Variants in RPA1 observed in about 807,000 individuals in gnomAD.
RPA1 encodes replication protein A1.
Under a neutral mutation model 83.0 loss-of-function variants are expected in RPA1, and 49 were observed. That is an observed-to-expected ratio of 0.59 (90% CI 0.47 to 0.75). The LOEUF is 0.75. Among genes scored for constraint, RPA1 ranks in the 30% least tolerant of loss-of-function variants. The pLI is 0.00. For missense variants in RPA1, 693 were observed against 776.1 expected (o/e 0.89, Z 1.27); for synonymous variants, 279 against 281.8 (o/e 0.99, Z 0.10).
Position 1,897,345 on chromosome 17 carries a change from A to G in RPA1, c.*170A>G, listed in dbSNP as rs1914482563. 3.4e-6 allele frequency: 2 copies of G among 584,856 alleles called. No homozygotes were observed. Among genetic ancestry groups the G allele is most frequent in the South Asian group, 4.1e-5 (2 of 48,664 alleles). 36.2% of individuals were successfully genotyped at this position (584,856 alleles called of 1,614,324 possible). Reference sequence around the variant, plus strand: ...CTCAGAACCCATCGGTAGGCAAAGGAAAATACGCTCAGGTGGTTGTGGTGT... The same window carrying G: ...CTCAGAACCCATCGGTAGGCAAAGGGAAATACGCTCAGGTGGTTGTGGTGT... On this transcript the variant is annotated 3_prime_UTR_variant, in exon 17 of 17. Transcript: ENST00000254719.
At chr17:1,848,674 C>G (rs1912358523) in intron 4 of RPA1, among the ~76,000 whole-genome samples, 1 of 151,898 alleles carries the variant, frequency 6.6e-6, no homozygotes, top group Admixed American at 6.5e-5. Context: ...AAGCAATTCT[C>G]TGCCTCAGCC....
chr17:1,879,276 A>G lies in RPA1; in HGVS notation c.821A>G (p.Asn274Ser), dbSNP rs1311959429. ...IANKQFTAVK[N>S]DYEMTFNNET... ...AACAAGCAGTTCACAGCTGTTAAAA[A>G]TGACTACGAGATGACCTTCAATAAC... Residue 274 changes from asparagine to serine, a missense_variant, in exon 10 of 17, where the codon AAT (asparagine) becomes AGT (serine). Transcript: ENST00000254719. The G allele has an allele frequency of 1.2e-6, 2 of 1,614,222 alleles. No homozygotes were observed. The highest frequency in any genetic ancestry group is 3.3e-5 in the Admixed American group (2 of 60,026).
At chr17:1,833,250 G>A (rs957041166) in intron 1 of RPA1, among the ~76,000 whole-genome samples, 1 of 152,156 alleles carries the variant, frequency 6.6e-6, no homozygotes, top group African/African-American at 2.4e-5. Flanking sequence ...ATTCCATGAG[G>A]CCTGCAATCA....
Position 1,897,353 on chromosome 17 carries a change from C to T in RPA1, c.*178C>T. 1.7e-6 allele frequency: 1 copy of T among 578,944 alleles called. No homozygotes were observed. Among genetic ancestry groups the T allele is most frequent in the East Asian group, 3.0e-5 (1 of 33,340 alleles). The allele number at this position is 578,944 out of a possible 1,614,324, so 35.9% of individuals were successfully genotyped here. A position where few individuals can be genotyped will look rare whatever the true frequency, so the allele number is the denominator to read the frequency against. On this transcript the variant is annotated 3_prime_UTR_variant, in exon 17 of 17. Coordinates refer to ENST00000254719, the MANE Select transcript of RPA1 (RefSeq NM_002945.5). Reference sequence around the variant, plus strand: ...CCATCGGTAGGCAAAGGAAAATACGCTCAGGTGGTTGTGGTGTAGACTGTG... The same window carrying T: ...CCATCGGTAGGCAAAGGAAAATACGTTCAGGTGGTTGTGGTGTAGACTGTG...
intron 12 of RPA1, 74 bp downstream of exon 12, chr17:1,880,765 G>A (rs1913763005): frequency 6.3e-7 from 1 of 1,576,950 alleles, no homozygotes; most frequent in East Asian, 2.3e-5. Flanking sequence ...ATCAGCATGG[G>A]AGCTTTCTGC....
rs367641614 is a variant in RPA1 at position 1,863,184 on chromosome 17, A to T, written c.362-9250A>T. On this transcript the variant is annotated intron_variant, in intron 5 of 16. Transcript: ENST00000254719. ...GAGCGTGAACCACCACGCCCAACTA[A>T]TTTATTTTATTTTATTTTATTTTAT... Among the ~76,000 whole-genome samples, 10 of 138,880 alleles carry T rather than the reference A, an allele frequency of 7.2e-5. No homozygotes were observed. The East Asian group carries it at 2.1e-3, about 29-fold the overall frequency. The allele number at this position is 138,880 out of a possible 152,430, so 91.1% of individuals were successfully genotyped here.
chr17:1,890,577 G>A (rs983521947), intron 14 of RPA1, among the ~76,000 whole-genome samples: 1 of 150,902 alleles, frequency 6.6e-6, no homozygotes, highest in African/African-American at 2.4e-5. Context: ...GCCGGGGAAT[G>A]GCATGAACCC....
rs532138943 is a variant in RPA1 at position 1,835,491 on chromosome 17, T to C, written c.33+5365T>C. Among the ~76,000 whole-genome samples, 205 of 152,260 alleles carry C rather than the reference T, an allele frequency of 1.3e-3. 3 individuals carry two copies. The highest frequency in any genetic ancestry group is 1.5e-3 in the East Asian group (8 of 5,188). Reference sequence around the variant, plus strand: ...AAAATGAGTTACATTTGTAAACAGCTGATTTCTTTGGAGCATCGTCCCCAT... The same window carrying C: ...AAAATGAGTTACATTTGTAAACAGCCGATTTCTTTGGAGCATCGTCCCCAT... On this transcript the variant is annotated intron_variant, in intron 1 of 16. Transcript: ENST00000254719.
At position 1,897,295 on chromosome 17, in the gene RPA1, A is replaced by G. The variant is rs1039062638; in HGVS notation, c.*120A>G. On this transcript the variant is annotated 3_prime_UTR_variant, in exon 17 of 17. Transcript: ENST00000254719. ...GTGCAGAGGCTCTTGATGGTGGACTAAGCAATTTCCCCCCTCGTGCGCATC... is the reference window on the plus strand; with the variant it reads ...GTGCAGAGGCTCTTGATGGTGGACTGAGCAATTTCCCCCCTCGTGCGCATC... 2.5e-5 allele frequency: 19 copies of G among 758,228 alleles called. No individual in the cohort carries two copies. The Admixed American group carries it at 5.1e-4, about 20-fold the overall frequency. 47.0% of individuals were successfully genotyped at this position (758,228 alleles called of 1,614,324 possible). A position where few individuals can be genotyped will look rare whatever the true frequency, so the allele number is the denominator to read the frequency against.
Position 1,877,240 on chromosome 17 carries a change from A to G in RPA1, c.616A>G (p.Lys206Glu), listed in dbSNP as rs764083881. ...KWTICARVTN[K>E]SQIRTWSNSR... ...GACCATTTGTGCTCGTGTTACCAAC[A>G]AAAGTCAGATCCGTACCTGGAGCAA... The change falls in exon 8 of 17, where the codon AAA becomes GAA. Residue 206 changes from lysine to glutamate, a missense_variant. Physicochemically the swap from Lys to Glu is moderately conservative, Grantham distance 56 (BLOSUM62 1). Transcript: ENST00000254719. The G allele has an allele frequency of 1.2e-6, 2 of 1,614,244 alleles. No homozygotes were observed. The highest frequency in any genetic ancestry group is 3.3e-5 in the Admixed American group (2 of 60,020).
rs1912156022 is a variant in RPA1 at position 1,843,916 on chromosome 17, C to A, written c.85-4C>A. On this transcript the variant is annotated splice_region_variant and splice_polypyrimidine_tract_variant and intron_variant, in intron 2 of 16. Transcript: ENST00000254719. ...TGGCTAATGAATCAAGTTTTCTGTC[C>A]TAGAACATCCGTCCCATTACTACGG... The A allele has an allele frequency of 6.2e-7, 1 of 1,613,492 alleles. No homozygotes were observed.
intron 16 of RPA1, among the ~76,000 whole-genome samples, chr17:1,896,716 AC>A (rs1351453887): frequency 6.6e-6 from 1 of 152,226 alleles, no homozygotes. Flanking sequence ...AGCTTTCAGA[AC>A]TAGCTGTGTG....
rs542509042 is a variant in RPA1, at chr17:1,833,409, G to A, written c.33+3283G>A. Among the ~76,000 whole-genome samples, 7 of 152,260 alleles carry A rather than the reference G, an allele frequency of 4.6e-5. No homozygotes were observed. The East Asian group carries it at 1.2e-3, about 25-fold the overall frequency. On this transcript the variant is annotated intron_variant, in intron 1 of 16. Transcript: ENST00000254719. ...GTGAATGGGGAAGAAAGGCAGCTTG[G>A]GGGAAAAACAGGAACAGGAAGAACT...
At chr17:1,883,662 T>C in intron 12 of RPA1, 150 bp from the exon 13 acceptor site, 1 of 638,718 alleles carries the variant, frequency 1.6e-6, no homozygotes, top group Non-Finnish European at 2.5e-6. Context: ...ATTACGAAGA[T>C]ACCAGCTTCA....
At chr17:1,883,746 T>G in intron 12 of RPA1, 66 bp from the exon 13 acceptor site, 1 of 1,603,490 alleles carries the variant, frequency 6.2e-7, no homozygotes, top group Non-Finnish European at 8.5e-7. Context: ...AGCAGCAAGT[T>G]GCATGTGGAG....
intron 4 of RPA1, among the ~76,000 whole-genome samples, chr17:1,847,906 T>C (rs1597425721): frequency 1.3e-5 from 2 of 151,608 alleles, no homozygotes; most frequent in East Asian, 3.9e-4. Context: ...GCCTGTAATC[T>C]CAGCTACTCA....
At chr17:1,839,890 GCAAA>G (rs1336101086) in intron 1 of RPA1, among the ~76,000 whole-genome samples, 1 of 139,604 alleles carries the variant, frequency 7.2e-6, no homozygotes, top group Non-Finnish European at 1.5e-5. Context: ...CTTCCCAGAT[GCAAA>G]CAATCCTCCT....
At chr17:1,868,643 T>G (rs1469984559) in intron 5 of RPA1, among the ~76,000 whole-genome samples, 1 of 152,052 alleles carries the variant, frequency 6.6e-6, no homozygotes. Flanking sequence ...TGATGGCGGG[T>G]ACCTGTAATC....
At chr17:1,831,736 C>G (rs1407505662) in intron 1 of RPA1, among the ~76,000 whole-genome samples, 1 of 148,498 alleles carries the variant, frequency 6.7e-6, no homozygotes, top group Admixed American at 6.8e-5. Context: ...ATAGCTGGGA[C>G]TACAGGTACC....
Sources: allele counts gnomAD v4.1 joint callset (sites outside exome capture counted in the v4.1 genomes callset), GRCh38; gene constraint gnomAD v4.1.1; transcripts MANE v1.5; gene names NCBI Gene and HGNC (gene_info 2026-07-23, HGNC 2026-07-21).